ZBTB20: variants seen among roughly 807,000 people sequenced by gnomAD.
ZBTB20 encodes zinc finger and BTB domain containing 20, also known as zinc finger and BTB domain-containing protein 20.
A neutral mutation model predicts 56.9 loss-of-function variants in ZBTB20; 9 were observed. The ratio of observed to expected loss-of-function variants is 0.16; its 90% CI spans 0.10 to 0.28. The LOEUF (loss-of-function observed/expected upper bound fraction) is 0.28, where lower values mean the gene tolerates loss of function less well. Ranked by LOEUF, ZBTB20 falls within the 10% of genes least tolerant of loss-of-function variation. The pLI, the probability that ZBTB20 is intolerant of heterozygous loss-of-function variation, is 1.00. For missense variants in ZBTB20, 655 were observed against 1,003.0 expected (o/e 0.65, Z 4.69); for synonymous variants, 417 against 420.7 (o/e 0.99, Z 0.11).
At chr3:115,132,590 A>G (rs1400163183) in intron 1 of ZBTB20, among the ~76,000 whole-genome samples, 2 of 152,146 alleles carry the variant, frequency 1.3e-5, no homozygotes, top group African/African-American at 4.8e-5. Flanking sequence ...TGTTAATTAA[A>G]ATGTTTTTAG....
intron 5 of ZBTB20, among the ~76,000 whole-genome samples, chr3:114,785,740 C>T (rs993920238): frequency 2.0e-5 from 3 of 151,968 alleles, no homozygotes; most frequent in Non-Finnish European, 4.4e-5. Flanking sequence ...TATCCATCAC[C>T]TCATATAGTT....
intron 6 of ZBTB20, among the ~76,000 whole-genome samples, chr3:114,615,470 A>C (rs2057869864): frequency 6.6e-6 from 1 of 152,194 alleles, no homozygotes; most frequent in African/African-American, 2.4e-5. Flanking sequence ...TAGGCTGTTA[A>C]CCTTGCTGCA....
chr3:114,922,793 T>TG (rs2076009641), intron 3 of ZBTB20, among the ~76,000 whole-genome samples: 1 of 131,062 alleles, frequency 7.6e-6, no homozygotes, highest in Admixed American at 8.2e-5. Context: ...TCGGCTCTCA[T>TG]GGGAACCAAT....
intron 6 of ZBTB20, among the ~76,000 whole-genome samples, chr3:114,551,405 T>G (rs778942591): frequency 6.6e-6 from 1 of 152,142 alleles, no homozygotes; most frequent in African/African-American, 2.4e-5. Context: ...AATTAAGTAA[T>G]AAGCTTTACA....
Position 114,322,314 on chromosome 3 carries a change from C to T in ZBTB20, c.*16691G>A, listed in dbSNP as rs1463285953. 6.6e-6 allele frequency: 1 copy of T among 152,126 alleles called. No individual in the cohort carries two copies. The highest frequency in any genetic ancestry group is 6.6e-5 in the Admixed American group (1 of 15,266). 9.4% of individuals were successfully genotyped at this position (152,126 alleles called of 1,614,324 possible). A position where few individuals can be genotyped will look rare whatever the true frequency, so the allele number is the denominator to read the frequency against. On this transcript the variant is annotated 3_prime_UTR_variant, in exon 12 of 12. Coordinates refer to ENST00000675478, the MANE Select transcript of ZBTB20 (RefSeq NM_001348800.3). ...TTTTTCTATTTTTTAAACCTCTGAT[C>T]AAATCCAAAGTCATAAAGATAGTTC...
At chr3:114,664,511 A>T (rs189128161) in intron 6 of ZBTB20, among the ~76,000 whole-genome samples, 1 of 152,142 alleles carries the variant, frequency 6.6e-6, no homozygotes, top group Non-Finnish European at 1.5e-5. Context: ...GAAAGAAATA[A>T]AAGTATTTTT....
intron 6 of ZBTB20, among the ~76,000 whole-genome samples, chr3:114,643,615 T>G (rs1027312161): frequency 6.6e-6 from 1 of 152,148 alleles, no homozygotes; most frequent in African/African-American, 2.4e-5. Flanking sequence ...ATTGATTTCC[T>G]GCACAGTTTG....
chr3:115,067,707 C>T (rs762370754), intron 2 of ZBTB20, among the ~76,000 whole-genome samples: 66 of 152,184 alleles, frequency 4.3e-4, no homozygotes, highest in Middle Eastern at 6.8e-3. Flanking sequence ...GGCTTCTAAG[C>T]AAAATAGAAC....
At chr3:114,453,924 C>G (rs1290866207) in intron 7 of ZBTB20, among the ~76,000 whole-genome samples, 1 of 109,476 alleles carries the variant, frequency 9.1e-6, no homozygotes, top group Non-Finnish European at 1.9e-5. Context: ...AGCTCACTCC[C>G]CCCCCCCCCA....
intron 6 of ZBTB20, among the ~76,000 whole-genome samples, chr3:114,506,860 G>C (rs1350616146): frequency 7.9e-5 from 12 of 152,130 alleles, no homozygotes; most frequent in Non-Finnish European, 1.8e-4. Flanking sequence ...TACGGTGACA[G>C]CCTATTTGCT....
intron 5 of ZBTB20, among the ~76,000 whole-genome samples, chr3:114,734,041 A>G (rs544352271): frequency 6.6e-6 from 1 of 152,260 alleles, no homozygotes; most frequent in African/African-American, 2.4e-5. Context: ...CTTACCTAAT[A>G]GAGGATCAGA....
intron 2 of ZBTB20, among the ~76,000 whole-genome samples, chr3:115,041,486 T>C (rs932955536): frequency 2.0e-5 from 3 of 152,182 alleles, no homozygotes. Flanking sequence ...AAGGAAATGA[T>C]AGAACCAAAT....
chr3:115,146,055 A>C (rs1193398569), intron 1 of ZBTB20, among the ~76,000 whole-genome samples: 1 of 152,196 alleles, frequency 6.6e-6, no homozygotes, highest in East Asian at 1.9e-4. Flanking sequence ...GAAAGGTAAC[A>C]TGTTCAACTT....
intron 4 of ZBTB20, among the ~76,000 whole-genome samples, chr3:114,854,942 C>T (rs1000034072): frequency 6.6e-6 from 1 of 152,100 alleles, no homozygotes; most frequent in East Asian, 1.9e-4. Context: ...CTTATAGTTC[C>T]AATAGTTTCT....
intron 5 of ZBTB20, among the ~76,000 whole-genome samples, chr3:114,707,192 T>G (rs553848051): frequency 6.6e-6 from 1 of 152,330 alleles, no homozygotes; most frequent in East Asian, 1.9e-4. Context: ...TTTTGCTATA[T>G]GTCATTTATA....
intron 6 of ZBTB20, among the ~76,000 whole-genome samples, chr3:114,512,661 C>A (rs1287848787): frequency 6.6e-6 from 1 of 152,140 alleles, no homozygotes; most frequent in Non-Finnish European, 1.5e-5. Flanking sequence ...TCTCCACTCC[C>A]AACTAACTTT....
intron 4 of ZBTB20, among the ~76,000 whole-genome samples, chr3:114,845,961 G>A (rs1158145456): frequency 6.6e-6 from 1 of 152,114 alleles, no homozygotes; most frequent in Non-Finnish European, 1.5e-5. Flanking sequence ...AGGTATGTGG[G>A]TGCTTAAATA....
At chr3:114,575,606 T>G (rs945139616) in intron 6 of ZBTB20, among the ~76,000 whole-genome samples, 1 of 147,486 alleles carries the variant, frequency 6.8e-6, no homozygotes, top group Non-Finnish European at 1.5e-5. Context: ...AAAAAAAAAA[T>G]AGGAACTACT....
intron 4 of ZBTB20, among the ~76,000 whole-genome samples, chr3:114,894,732 C>T (rs1469980204): frequency 6.6e-6 from 1 of 152,154 alleles, no homozygotes; most frequent in Non-Finnish European, 1.5e-5. Context: ...ATCCTTCCCT[C>T]ACAGCCCTGA....
Sources: gnomAD v4.1 joint callset for allele counts (sites outside exome capture counted in the v4.1 genomes callset) on GRCh38, gnomAD v4.1.1 for gene constraint, MANE v1.5 for transcripts, NCBI Gene and HGNC (gene_info 2026-07-23, HGNC 2026-07-21) for gene names.